Variants in DNAJA3 observed in about 807,000 individuals in gnomAD.
DNAJA3 encodes the protein DnaJ heat shock protein family (Hsp40) member A3.
In DNAJA3, 29 loss-of-function variants were observed where a neutral mutation model predicts 54.9. The observed-to-expected ratio is 0.53, with a 90% CI of 0.39 to 0.72. DNAJA3 has a LOEUF of 0.72. Among genes scored for constraint, DNAJA3 ranks in the 30% least tolerant of loss-of-function variants. DNAJA3 has a pLI of 0.00. For synonymous variants in DNAJA3, 302 were observed against 251.4 expected (o/e 1.20, Z -1.90); for missense variants, 708 against 639.4 (o/e 1.11, Z -1.16).
chr16:4,430,986 G>C (rs2056692133), intron 1 of DNAJA3: 1 of 152,090 alleles, frequency 6.6e-6, no homozygotes, highest in Non-Finnish European at 1.5e-5. Context: ...GGAGGTTGCA[G>C]TGAACCGAGA....
chr16:4,448,415 C>T (rs1423743888), intron 8 of DNAJA3, among the ~76,000 whole-genome samples: 3 of 152,122 alleles, frequency 2.0e-5, no homozygotes, highest in Non-Finnish European at 2.9e-5. Flanking sequence ...ACAATCTTGG[C>T]TCACTGCAAC....
intron 6 of DNAJA3, among the ~76,000 whole-genome samples, chr16:4,444,247 G>A (rs1470951128): frequency 6.6e-6 from 1 of 152,172 alleles, no homozygotes; most frequent in East Asian, 1.9e-4. Context: ...AGAAACAGGA[G>A]TGGGGAAGAA....
Position 4,444,057 on chromosome 16 carries a change from T to G in DNAJA3, c.932-607T>G, listed in dbSNP as rs1015768896. On this transcript the variant is annotated intron_variant, in intron 6 of 11. Transcript: ENST00000262375. ...TTCCATTGAAGAGCATGTCTCTGTT[T>G]GTAGTTATGCATTAGTGCTATCGTT... is the stretch of plus-strand genomic sequence containing the variant. Among the ~76,000 whole-genome samples, 4 of 152,314 alleles carry G rather than the reference T, an allele frequency of 2.6e-5. No individual in the cohort carries two copies. The East Asian group carries it at 5.8e-4, about 22-fold the overall frequency.
chr16:4,431,265 G>A (rs1476682341), intron 1 of DNAJA3, among the ~76,000 whole-genome samples: 2 of 152,122 alleles, frequency 1.3e-5, no homozygotes, highest in African/African-American at 2.4e-5. Context: ...CCCTTACTCC[G>A]AAATAAAAAG....
At chr16:4,450,917 CAG>C (rs1410948033) in intron 10 of DNAJA3, among the ~76,000 whole-genome samples, 1 of 152,230 alleles carries the variant, frequency 6.6e-6, no homozygotes, top group Non-Finnish European at 1.5e-5. Context: ...GCCAGGATTT[CAG>C]AGTGTCTTAA....
At chr16:4,442,452 G>A (rs374082016) in intron 5 of DNAJA3, 32 bp downstream of exon 5, 20 of 1,546,158 alleles carry the variant, frequency 1.3e-5, no homozygotes, top group African/African-American at 4.1e-5. Context: ...CACCTCCCAC[G>A]GCTTGCACCA....
intron 4 of DNAJA3, among the ~76,000 whole-genome samples, chr16:4,441,874 C>T (rs142356806): frequency 7.9e-5 from 12 of 152,102 alleles, no homozygotes; most frequent in East Asian, 1.9e-4. Flanking sequence ...GAGTTCTGTC[C>T]GGTGGGAAGG....
chr16:4,450,501 AG>A lies in DNAJA3; in HGVS notation c.1339+6del. The stretch of plus-strand genomic sequence containing the variant: ...GGCGTCACCCTCACCAGCTCTGGTA[AG>A]GAGTCTGAAGACTACATGGTGACAC... On this transcript the variant is annotated splice_donor_5th_base_variant and intron_variant, in intron 10 of 11. Transcript: ENST00000262375. The A allele has an allele frequency of 2.5e-6, 4 of 1,601,858 alleles. No homozygotes were observed. The highest frequency in any genetic ancestry group is 3.4e-6 in the Non-Finnish European group (4 of 1,174,176).
Position 4,442,429 on chromosome 16 carries a change from C to G in DNAJA3, c.783+9C>G, listed in dbSNP as rs764478471. The G allele has an allele frequency of 5.1e-6, 8 of 1,580,318 alleles. No individual in the cohort carries two copies. The highest frequency in any genetic ancestry group is 1.2e-5 in the South Asian group (1 of 85,828). On this transcript the variant is annotated intron_variant, in intron 5 of 11. Transcript: ENST00000262375. ...GTGGCGGCTCCGGCATGGTAAGGCT[C>G]TGCCCGAGACTCCACCTCCCACGGC...
At chr16:4,454,102 A>C (rs184675328) in intron 10 of DNAJA3, among the ~76,000 whole-genome samples, 1 of 152,208 alleles carries the variant, frequency 6.6e-6, no homozygotes, top group East Asian at 1.9e-4. Flanking sequence ...AGGTGCCCCA[A>C]ATGGGGACAA....
chr16:4,435,288 T>G (rs550315387), intron 2 of DNAJA3, among the ~76,000 whole-genome samples: 1 of 151,978 alleles, frequency 6.6e-6, no homozygotes, highest in Admixed American at 6.6e-5. Flanking sequence ...GTATACGAGA[T>G]GTCTACACCA....
At chr16:4,446,717 G>C (rs889226351) in intron 7 of DNAJA3, among the ~76,000 whole-genome samples, 169 bp from the exon 8 acceptor site, 1 of 152,148 alleles carries the variant, frequency 6.6e-6, no homozygotes, top group Admixed American at 6.5e-5. Context: ...CCTGGGCCTG[G>C]GATGGTGTCT....
At chr16:4,427,334 A>G (rs1357817837) in intron 1 of DNAJA3, 1 of 152,226 alleles carries the variant, frequency 6.6e-6, no homozygotes, top group Non-Finnish European at 1.5e-5. Context: ...CTATAAATTT[A>G]TAAAGATTAA....
intron 10 of DNAJA3, among the ~76,000 whole-genome samples, chr16:4,451,638 T>C (rs1354840670): frequency 6.7e-6 from 1 of 148,736 alleles, no homozygotes; most frequent in Admixed American, 6.8e-5. Flanking sequence ...ATGCCTGTAA[T>C]CTCAGCTACT....
intron 7 of DNAJA3, among the ~76,000 whole-genome samples, chr16:4,446,242 A>T (rs1297779690): frequency 2.0e-4 from 24 of 119,728 alleles, no homozygotes; most frequent in South Asian, 2.7e-4. Flanking sequence ...ATAAAGTAAG[A>T]TTTTTTTTTT....
At chr16:4,429,195 T>G (rs191189146) in intron 1 of DNAJA3, among the ~76,000 whole-genome samples, 10 of 129,596 alleles carry the variant, frequency 7.7e-5, no homozygotes, top group South Asian at 2.5e-4. Flanking sequence ...CCAAGATTTT[T>G]TTTGTTTGTT....
chr16:4,442,525 T>C (rs1424757699), intron 5 of DNAJA3, 105 bp downstream of exon 5: 1 of 1,323,526 alleles, frequency 7.6e-7, no homozygotes, highest in Non-Finnish European at 1.0e-6. Flanking sequence ...ATTGGGGGAG[T>C]TGGTGAACTC....
At chr16:4,438,728 C>T (rs1256618591) in intron 3 of DNAJA3, among the ~76,000 whole-genome samples, 1 of 147,376 alleles carries the variant, frequency 6.8e-6, no homozygotes, top group Non-Finnish European at 1.5e-5. Flanking sequence ...CCTCCTGCCT[C>T]AGCCTCTCAA....
At position 4,442,414 on chromosome 16, in the gene DNAJA3, C is replaced by A; in HGVS notation, c.777C>A (p.Ser259=). The change falls in exon 5 of 12, where the codon TCC becomes TCA. Residue 259 remains serine (S), a synonymous_variant. Coordinates refer to ENST00000262375, the MANE Select transcript of DNAJA3 (RefSeq NM_005147.6). ...AGCATTGCCACTACTGTGGCGGCTC[C>A]GGCATGGTAAGGCTCTGCCCGAGAC... ...KVQHCHYCGG[S]GMETINTGPF... is the part of the protein sequence containing the mutation. 6.3e-7 allele frequency: 1 copy of A among 1,596,836 alleles called. No individual in the cohort carries two copies. The highest frequency in any genetic ancestry group is 1.1e-5 in the South Asian group (1 of 87,860).
Sources: gnomAD v4.1 joint callset for allele counts (sites outside exome capture counted in the v4.1 genomes callset) on GRCh38, gnomAD v4.1.1 for gene constraint, MANE v1.5 for transcripts, NCBI Gene and HGNC (gene_info 2026-07-23, HGNC 2026-07-21) for gene names.